NLRC5: variants seen among roughly 807,000 people sequenced by gnomAD.
The protein encoded by NLRC5 is protein NLRC5.
In NLRC5, 114 loss-of-function variants were observed where a neutral mutation model predicts 206.9. The ratio of observed to expected loss-of-function variants is 0.55; its 90% CI spans 0.47 to 0.64. The LOEUF is 0.64. NLRC5 is among the 30% of genes least tolerant of loss of function. The pLI, the probability that NLRC5 is intolerant of heterozygous loss-of-function variation, is 0.00. For synonymous variants in NLRC5, 952 were observed against 962.8 expected, an observed-to-expected ratio of 0.99 and a Z score of 0.21; for missense variants, 2,008 against 2,305.5, an observed-to-expected ratio of 0.87 and a Z score of 2.64.
At chr16:57,067,178 C>A (rs1490630950) in intron 34 of NLRC5, among the ~76,000 whole-genome samples, 1 of 152,226 alleles carries the variant, frequency 6.6e-6, no homozygotes, top group Non-Finnish European at 1.5e-5. Flanking sequence ...GCTGTGTGTC[C>A]TTGTGCGGTG....
intron 7 of NLRC5, 47 bp downstream of exon 7, chr16:57,028,202 T>G (rs1048052069): frequency 1.3e-6 from 2 of 1,576,648 alleles, no homozygotes. Context: ...TGGGGATGCC[T>G]GGTACTCTCC....
chr16:57,019,086 G>C (rs821471), intron 2 of NLRC5, among the ~76,000 whole-genome samples: 150,765 of 152,330 alleles, frequency 0.99, 74,627 homozygotes, highest in Middle Eastern at 1. Flanking sequence ...GGTACTTCTA[G>C]AAGGAGGTGG....
chr16:57,020,681 T>G lies in NLRC5; in HGVS notation c.-12-20T>G. 1 of 1,518,570 alleles carries G rather than the reference T, an allele frequency of 6.6e-7. No homozygotes were observed. Among genetic ancestry groups the G allele is most frequent in the Non-Finnish European group, 8.9e-7 (1 of 1,125,320 alleles). 94.1% of individuals were successfully genotyped at this position (1,518,570 alleles called of 1,614,324 possible). A position where few individuals can be genotyped will look rare whatever the true frequency, so the allele number is the denominator to read the frequency against. On this transcript the variant is annotated intron_variant, in intron 2 of 48. Coordinates refer to ENST00000688547, the MANE Select transcript of NLRC5 (RefSeq NM_001384950.1). ...GTTTACCTGTCCCCCTCAACTCACC[T>G]ATCTTCCCTGTCCCTCCAGGGCTGG...
At chr16:57,028,826 G>A (rs1028150381) in intron 8 of NLRC5, among the ~76,000 whole-genome samples, 3 of 152,186 alleles carry the variant, frequency 2.0e-5, no homozygotes, top group Non-Finnish European at 2.9e-5. Context: ...GTGTGCACAT[G>A]TATGCAGCGC....
chr16:57,002,645 G>GTTTTTTTTTTTTTTT (rs61167610), intron 1 of NLRC5, among the ~76,000 whole-genome samples: 1 of 94,742 alleles, frequency 1.1e-5, no homozygotes, highest in African/African-American at 3.9e-5. Context: ...GTTTTTTTTT[G>GTTTTTTTTTTTTTTT]TTTTTTTTTT....
chr16:57,040,596 T>C, intron 16 of NLRC5, 54 bp from the exon 17 acceptor site: 1 of 1,558,772 alleles, frequency 6.4e-7, no homozygotes, highest in Non-Finnish European at 8.8e-7. Context: ...GGATGGATTC[T>C]GGAGATGGCG....
intron 1 of NLRC5, among the ~76,000 whole-genome samples, chr16:56,993,707 G>A (rs1022153014): frequency 1.3e-5 from 2 of 152,144 alleles, no homozygotes; most frequent in Non-Finnish European, 2.9e-5. Context: ...AGAGTCACCT[G>A]TAGCTCATTT....
chr16:57,031,426 C>G lies in NLRC5; in HGVS notation c.2440C>G (p.Leu814Val). The change falls in exon 11 of 49, where the codon CTT becomes GTT. Residue 814 changes from leucine to valine, a missense_variant. By Grantham distance (32) the Leu-to-Val change is conservative. Coordinates refer to ENST00000688547, the MANE Select transcript of NLRC5 (RefSeq NM_001384950.1). ...CAGGGAGGCGGACCTCATCTTCCTT[C>G]TTTCCCCGCCCACAGAGACAACTGC... ...QAREADLIFL[L>V]SPPTETTAEL... The G allele has an allele frequency of 1.2e-6, 2 of 1,613,890 alleles. No homozygotes were observed. Among genetic ancestry groups the G allele is most frequent in the Non-Finnish European group, 1.7e-6 (2 of 1,179,964 alleles).
chr16:57,038,007 G>A (rs1450359822), intron 15 of NLRC5, among the ~76,000 whole-genome samples: 4 of 152,226 alleles, frequency 2.6e-5, no homozygotes, highest in East Asian at 1.9e-4. Flanking sequence ...CATTCCAAGC[G>A]ATGCCCTGTT....
intron 40 of NLRC5, among the ~76,000 whole-genome samples, 153 bp downstream of exon 40, chr16:57,077,055 G>A (rs1299879896): frequency 6.6e-6 from 1 of 152,242 alleles, no homozygotes; most frequent in African/African-American, 2.4e-5. Flanking sequence ...TAGAAGCTTG[G>A]GGGACCCAAA....
intron 13 of NLRC5, 138 bp downstream of exon 13, chr16:57,034,389 A>T: frequency 3.0e-6 from 2 of 662,060 alleles, no homozygotes; most frequent in Non-Finnish European, 5.3e-6. Context: ...AGATCATTGT[A>T]ACAGCTGCTA....
intron 1 of NLRC5, among the ~76,000 whole-genome samples, chr16:57,014,413 G>T (rs1055069742): frequency 7.2e-5 from 11 of 152,130 alleles, no homozygotes; most frequent in African/African-American, 2.6e-4. Context: ...TTTTGCTATT[G>T]TCTGATCCTC....
Position 57,033,659 on chromosome 16 carries a change from T to C in NLRC5, c.2533T>C (p.Leu845=). 6.2e-7 allele frequency: 1 copy of C among 1,614,028 alleles called. No homozygotes were observed. The highest frequency in any genetic ancestry group is 8.5e-7 in the Non-Finnish European group (1 of 1,179,942). The change falls in exon 12 of 49, where the codon TTG becomes CTG. Residue 845 remains leucine, a synonymous_variant. Transcript: ENST00000688547. ...GQRKGAQSRS[L]TLRLQKCQLQ... is the part of the protein sequence containing the mutation. ...GAGGAAAGGGGCTCAGAGCAGAAGC[T>C]TGACGCTCAGGTACCTTGGAGGGAT...
rs76899145 is a variant in NLRC5 at position 56,998,178 on chromosome 16, C to T, written c.-128+8561C>T. Reference sequence around the variant, plus strand: ...TTCTGCTAAATTCAAAGGGCCCAGCCTCAAGTCACTGATGTCTTTTTTTTT... The same window carrying T: ...TTCTGCTAAATTCAAAGGGCCCAGCTTCAAGTCACTGATGTCTTTTTTTTT... On this transcript the variant is annotated intron_variant, in intron 1 of 48. Coordinates refer to ENST00000688547, the MANE Select transcript of NLRC5 (RefSeq NM_001384950.1). Among the ~76,000 whole-genome samples the T allele has an allele frequency of 7.9e-3, 1,190 of 151,496 alleles. 21 individuals carry two copies. The highest frequency in any genetic ancestry group is 0.028 in the African/African-American group (1,139 of 41,348).
At chr16:57,021,225 G>T in intron 3 of NLRC5, 1 of 510,628 alleles carries the variant, frequency 2.0e-6, no homozygotes, top group African/African-American at 1.9e-5. Flanking sequence ...CACTCGAATT[G>T]CTCGAATTGC....
At chr16:57,070,388 G>A (rs1295103790) in intron 37 of NLRC5, 147 bp from the exon 38 acceptor site, 1 of 654,400 alleles carries the variant, frequency 1.5e-6, no homozygotes, top group Admixed American at 2.6e-5. Context: ...TACCCATGGG[G>A]AACCTGGACA....
At chr16:57,008,497 C>T (rs2059157828) in intron 1 of NLRC5, among the ~76,000 whole-genome samples, 1 of 149,528 alleles carries the variant, frequency 6.7e-6, no homozygotes, top group Admixed American at 6.8e-5. Flanking sequence ...TTTAAATGTT[C>T]ATGAAATGTT....
intron 1 of NLRC5, among the ~76,000 whole-genome samples, chr16:57,015,157 G>A (rs2059912372): frequency 6.6e-6 from 1 of 152,106 alleles, no homozygotes; most frequent in African/African-American, 2.4e-5. Context: ...TTAGACTCCT[G>A]ACCTCAAGTG....
At chr16:57,062,868 T>G (rs1413876102) in intron 32 of NLRC5, 2 of 152,224 alleles carry the variant, frequency 1.3e-5, no homozygotes, top group Non-Finnish European at 2.9e-5. Context: ...CTTTTCCTCT[T>G]GCAAAACTGA....
Sources: gnomAD v4.1 joint callset for allele counts (sites outside exome capture counted in the v4.1 genomes callset) on GRCh38, gnomAD v4.1.1 for gene constraint, MANE v1.5 for transcripts, NCBI Gene and HGNC (gene_info 2026-07-23, HGNC 2026-07-21) for gene names.